The following UBR2 variants were observed in gnomAD, a reference collection of about 807,000 sequenced individuals.
The protein encoded by UBR2 is E3 ubiquitin-protein ligase UBR2.
A neutral mutation model predicts 247.9 loss-of-function variants in UBR2; 92 were observed. That is an observed-to-expected ratio of 0.37 (90% CI 0.31 to 0.44). The LOEUF is 0.44. Among genes scored for constraint, UBR2 ranks in the 20% least tolerant of loss-of-function variants. The pLI is 1.00. For missense variants in UBR2, 1,613 were observed against 2,112.6 expected (o/e 0.76, Z 4.64); for synonymous variants, 672 against 693.5 (o/e 0.97, Z 0.49).
chr6:42,567,684 G>C (rs560908598), intron 1 of UBR2, among the ~76,000 whole-genome samples: 1 of 152,078 alleles, frequency 6.6e-6, no homozygotes, highest in African/African-American at 2.4e-5. Flanking sequence ...AGCCGAGATC[G>C]CGCCACTGCA....
intron 44 of UBR2, among the ~76,000 whole-genome samples, chr6:42,687,300 C>G (rs1799492892): frequency 6.6e-6 from 1 of 152,208 alleles, no homozygotes. Flanking sequence ...CCGGCCAACA[C>G]GGCGAAACCC....
At chr6:42,571,549 C>G (rs1339558685) in intron 1 of UBR2, among the ~76,000 whole-genome samples, 1 of 151,812 alleles carries the variant, frequency 6.6e-6, no homozygotes, top group Non-Finnish European at 1.5e-5. Flanking sequence ...TTGAGACAAG[C>G]CTGGTCAACA....
intron 1 of UBR2, 106 bp from the exon 2 acceptor site, chr6:42,573,628 A>T: frequency 7.9e-7 from 1 of 1,259,092 alleles, no homozygotes; most frequent in Non-Finnish European, 1.0e-6. Context: ...AAAATATTTT[A>T]ATATGCTTTT....
chr6:42,641,469 T>A, intron 16 of UBR2, 113 bp from the exon 17 acceptor site: 1 of 657,210 alleles, frequency 1.5e-6, no homozygotes, highest in Non-Finnish European at 2.4e-6. Context: ...ATAATAATAA[T>A]TTATATTGTG....
intron 5 of UBR2, among the ~76,000 whole-genome samples, chr6:42,604,077 T>C (rs940900867): frequency 6.6e-6 from 1 of 152,236 alleles, no homozygotes; most frequent in African/African-American, 2.4e-5. Context: ...ATAAACTCTT[T>C]GATATAAATG....
At chr6:42,624,111 A>G (rs1340447203) in intron 11 of UBR2, among the ~76,000 whole-genome samples, 2 of 150,910 alleles carry the variant, frequency 1.3e-5, no homozygotes, top group African/African-American at 4.9e-5. Flanking sequence ...TAAGATAGGT[A>G]TTGCTCTTTT....
intron 44 of UBR2, among the ~76,000 whole-genome samples, chr6:42,686,896 C>G (rs1368142536): frequency 6.6e-6 from 1 of 151,564 alleles, no homozygotes; most frequent in Non-Finnish European, 1.5e-5. Flanking sequence ...GGGTCGCGGC[C>G]GGGCAGAGGC....
intron 23 of UBR2, 87 bp from the exon 24 acceptor site, chr6:42,651,936 C>T (rs1294957883): frequency 6.8e-6 from 9 of 1,320,418 alleles, no homozygotes; most frequent in Non-Finnish European, 9.3e-6. Context: ...ATAGTGAAAC[C>T]CCACCTCTAC....
intron 2 of UBR2, 30 bp downstream of exon 2, chr6:42,574,023 G>T (rs746772550): frequency 1.3e-6 from 2 of 1,504,206 alleles, no homozygotes; most frequent in Non-Finnish European, 1.8e-6. Flanking sequence ...TTTCTAGGAG[G>T]CTCTTGTTTT....
intron 2 of UBR2, among the ~76,000 whole-genome samples, chr6:42,579,184 C>G (rs910874060): frequency 8.5e-5 from 13 of 152,250 alleles, no homozygotes; most frequent in Middle Eastern, 3.4e-3. Context: ...GTGGGGACCT[C>G]AGGAAGCTTA....
chr6:42,676,746 G>A (rs1798739905), intron 39 of UBR2, 37 bp from the exon 40 acceptor site: 17 of 1,505,426 alleles, frequency 1.1e-5, no homozygotes, highest in Non-Finnish European at 1.5e-5. Context: ...ACACTTAATT[G>A]GAAAATACAG....
intron 30 of UBR2, among the ~76,000 whole-genome samples, chr6:42,661,405 G>C (rs1797796639): frequency 6.6e-6 from 1 of 152,176 alleles, no homozygotes; most frequent in Non-Finnish European, 1.5e-5. Flanking sequence ...GGCTATAAGT[G>C]GATTTTCTTA....
intron 4 of UBR2, among the ~76,000 whole-genome samples, chr6:42,594,560 G>T (rs1792854776): frequency 6.6e-6 from 1 of 152,158 alleles, no homozygotes; most frequent in Non-Finnish European, 1.5e-5. Flanking sequence ...AAGTTTATTT[G>T]AGTACTAACC....
chr6:42,684,951 G>C lies in UBR2; in HGVS notation c.4853+80G>C. ...AAAGAATTTGAAGGATTTTGTTGTT[G>C]TTCTTTGTTTGGGTAGAGAAATCAT... On this transcript the variant is annotated intron_variant, in intron 44 of 46. Coordinates refer to ENST00000372901, the MANE Select transcript of UBR2 (RefSeq NM_001363705.2). 2.5e-6 allele frequency: 3 copies of C among 1,213,840 alleles called. No individual in the cohort carries two copies. The East Asian group carries it at 7.3e-5, about 29-fold the overall frequency. The allele number at this position is 1,213,840 out of a possible 1,614,324, so 75.2% of individuals were successfully genotyped here. A position where few individuals can be genotyped will look rare whatever the true frequency, so the allele number is the denominator to read the frequency against.
intron 31 of UBR2, among the ~76,000 whole-genome samples, chr6:42,662,826 T>G (rs1162320568): frequency 1.3e-5 from 2 of 152,136 alleles, no homozygotes; most frequent in African/African-American, 4.8e-5. Flanking sequence ...TCCCAGCTAC[T>G]TGGGAGGCTG....
At chr6:42,619,109 T>C (rs1030331007) in intron 11 of UBR2, among the ~76,000 whole-genome samples, 2 of 152,048 alleles carry the variant, frequency 1.3e-5, no homozygotes, top group African/African-American at 4.8e-5. Flanking sequence ...TAGCTTAATA[T>C]CCCATTTTGA....
intron 18 of UBR2, 53 bp downstream of exon 18, chr6:42,642,534 G>A: frequency 6.9e-7 from 1 of 1,451,114 alleles, no homozygotes; most frequent in Non-Finnish European, 9.6e-7. Context: ...TTTGCTTCTT[G>A]TTATTTCCAT....
chr6:42,608,110 G>T (rs541879100), intron 7 of UBR2, among the ~76,000 whole-genome samples: 7 of 151,832 alleles, frequency 4.6e-5, no homozygotes, highest in Non-Finnish European at 8.8e-5. Context: ...GCATTATTTT[G>T]TCTCCTTTTT....
chr6:42,628,469 C>A (rs1019883847), intron 11 of UBR2, among the ~76,000 whole-genome samples: 19 of 152,074 alleles, frequency 1.2e-4, no homozygotes, highest in African/African-American at 4.6e-4. Context: ...TGCCTGTAAT[C>A]CCAGCACTTT....
Sources: gnomAD v4.1 joint callset for allele counts (sites outside exome capture counted in the v4.1 genomes callset) on GRCh38, gnomAD v4.1.1 for gene constraint, MANE v1.5 for transcripts, NCBI Gene and HGNC (gene_info 2026-07-23, HGNC 2026-07-21) for gene names.